Variants in EIF2S2 observed in about 807,000 individuals in gnomAD.
EIF2S2 encodes eukaryotic translation initiation factor 2 subunit 2.
A neutral mutation model predicts 44.0 loss-of-function variants in EIF2S2; 4 were observed. That is an observed-to-expected ratio of 0.09 (90% confidence interval 0.04 to 0.21). The LOEUF (loss-of-function observed/expected upper bound fraction) is 0.21, where lower values mean the gene tolerates loss of function less well. Ranked by LOEUF, EIF2S2 falls within the 10% of genes least tolerant of loss-of-function variation. The pLI, the probability that EIF2S2 is intolerant of heterozygous loss-of-function variation, is 1.00. For synonymous variants in EIF2S2, 108 were observed against 128.3 expected (o/e 0.84, Z 1.07); for missense variants, 154 against 392.0 (o/e 0.39, Z 5.13).
chr20:34,096,329 G>A (rs932092211), intron 6 of EIF2S2, among the ~76,000 whole-genome samples: 20 of 152,252 alleles, frequency 1.3e-4, no homozygotes, highest in Non-Finnish European at 2.6e-4. Flanking sequence ...GTCGGGCATG[G>A]TGGTGTGCAC....
chr20:34,103,469 C>A lies in EIF2S2; in HGVS notation c.290G>T (p.Gly97Val). The A allele has an allele frequency of 1.9e-6, 3 of 1,556,838 alleles. No individual in the cohort carries two copies. Among genetic ancestry groups the A allele is most frequent in the Non-Finnish European group, 2.6e-6 (3 of 1,147,600 alleles). The change falls in exon 3 of 9, where the codon GGT becomes GTT. Residue 97 changes from glycine (G) to valine (V), a missense_variant. By Grantham distance (109) the Gly-to-Val change is moderately radical (BLOSUM62 -3). Transcript: ENST00000374980. Reference sequence around the variant, plus strand: ...ACAAGAAAGCAATACTACCTTTACACCTTCTTCAGCTTCATCAATATCAAA... The same window carrying A: ...ACAAGAAAGCAATACTACCTTTACAACTTCTTCAGCTTCATCAATATCAAA... ...KIFDIDEAEEGVKDLKIESDV... is the reference protein window; with the variant it reads ...KIFDIDEAEEVVKDLKIESDV...
intron 1 of EIF2S2, among the ~76,000 whole-genome samples, chr20:34,106,585 C>G (rs2034352642): frequency 6.6e-6 from 1 of 152,044 alleles, no homozygotes; most frequent in African/African-American, 2.4e-5. Flanking sequence ...GAGTGCACCA[C>G]CACACCCAGC....
chr20:34,101,350 C>T (rs185487806), intron 3 of EIF2S2, among the ~76,000 whole-genome samples: 2 of 152,200 alleles, frequency 1.3e-5, no homozygotes, highest in East Asian at 1.9e-4. Flanking sequence ...AGCTGAGGGA[C>T]GCTTGAGCCC....
At chr20:34,092,719 C>G (rs977191429) in intron 7 of EIF2S2, among the ~76,000 whole-genome samples, 2 of 152,124 alleles carry the variant, frequency 1.3e-5, no homozygotes, top group Admixed American at 1.3e-4. Flanking sequence ...ACAGAGCCTA[C>G]GTATCCACCA....
intron 1 of EIF2S2, among the ~76,000 whole-genome samples, chr20:34,106,558 A>C (rs183489053): frequency 1.6e-4 from 24 of 151,572 alleles, no homozygotes; most frequent in African/African-American, 5.3e-4. Context: ...CAATTTCCTG[A>C]GTAGCTGGAA....
chr20:34,101,148 C>G (rs1350353969), intron 3 of EIF2S2, among the ~76,000 whole-genome samples: 1 of 152,114 alleles, frequency 6.6e-6, no homozygotes, highest in Admixed American at 6.6e-5. Flanking sequence ...ATGTGGCTAT[C>G]AAGACCAATC....
intron 1 of EIF2S2, among the ~76,000 whole-genome samples, chr20:34,111,564 T>C (rs2034412669): frequency 6.6e-6 from 1 of 152,168 alleles, no homozygotes; most frequent in Admixed American, 6.5e-5. Flanking sequence ...TCTTTTTCTC[T>C]CGTTCTAACC....
chr20:34,097,379 A>G, intron 5 of EIF2S2, 37 bp downstream of exon 5: 1 of 1,540,758 alleles, frequency 6.5e-7, no homozygotes. Flanking sequence ...GCACTAGTGA[A>G]TAGCTTAGCC....
chr20:34,097,651 A>G, intron 4 of EIF2S2, 135 bp from the exon 5 acceptor site: 1 of 655,804 alleles, frequency 1.5e-6, no homozygotes, highest in East Asian at 2.8e-5. Flanking sequence ...AGCCTTAAGC[A>G]TAAAGAAACC....
chr20:34,103,510 T>C lies in EIF2S2; in HGVS notation c.249A>G (p.Lys83=). 6.4e-7 allele frequency: 1 copy of C among 1,570,942 alleles called. No homozygotes were observed. The highest frequency in any genetic ancestry group is 8.7e-7 in the Non-Finnish European group (1 of 1,154,678). ...CAATATCAAATATCTTTTTAGTTTT[T>C]TTCTTCTTTTTCTTTTGATTAAAGA... ...LNFFNQKKKK[K]KTKKIFDIDE... Residue 83 remains lysine (K), a synonymous_variant, in exon 3 of 9, where the codon AAA becomes AAG. Coordinates refer to ENST00000374980, the MANE Select transcript of EIF2S2 (RefSeq NM_003908.5).
rs571039795 is a variant in EIF2S2 at position 34,103,664 on chromosome 20, AGACT to A, written c.194-103_194-100del. 6.6e-3 allele frequency: 9,186 copies of A among 1,381,568 alleles called. 42 individuals are homozygous for A. Among genetic ancestry groups the A allele is most frequent in the Non-Finnish European group, 7.4e-3 (7,866 of 1,062,520 alleles). 85.6% of individuals were successfully genotyped at this position (1,381,568 alleles called of 1,614,324 possible). On this transcript the variant is annotated intron_variant, in intron 2 of 8. Coordinates refer to ENST00000374980, the MANE Select transcript of EIF2S2 (RefSeq NM_003908.5). ...CAGCAATTAATCAAGTCACCAGAAA[AGACT>A]GACTATTAATTAGTCCCTCCACAAT...
intron 7 of EIF2S2, among the ~76,000 whole-genome samples, chr20:34,092,196 T>C (rs2034174109): frequency 6.6e-6 from 1 of 152,184 alleles, no homozygotes; most frequent in African/African-American, 2.4e-5. Context: ...TCAAAATAAA[T>C]GGAATTTTCT....
intron 7 of EIF2S2, among the ~76,000 whole-genome samples, chr20:34,092,528 C>T (rs759906738): frequency 2.0e-5 from 3 of 152,086 alleles, no homozygotes; most frequent in Non-Finnish European, 2.9e-5. Context: ...ATTAGCTGGG[C>T]GTGGTGGCGG....
At chr20:34,104,614 C>G (rs1028148727) in intron 2 of EIF2S2, among the ~76,000 whole-genome samples, 2 of 152,190 alleles carry the variant, frequency 1.3e-5, no homozygotes, top group Admixed American at 6.5e-5. Context: ...TACAAGTTAT[C>G]AGTGAAATTT....
intron 1 of EIF2S2, among the ~76,000 whole-genome samples, chr20:34,105,781 A>G (rs2034342944): frequency 6.6e-6 from 1 of 152,218 alleles, no homozygotes; most frequent in Non-Finnish European, 1.5e-5. Flanking sequence ...AGTATCACAG[A>G]TACTTCACTT....
At chr20:34,105,587 T>C in intron 1 of EIF2S2, 42 bp from the exon 2 acceptor site, 1 of 1,482,774 alleles carries the variant, frequency 6.7e-7, no homozygotes, top group Non-Finnish European at 9.0e-7. Flanking sequence ...AAATGATTGT[T>C]TTTAATGATG....
At chr20:34,092,982 A>G (rs1464504061) in intron 7 of EIF2S2, among the ~76,000 whole-genome samples, 1 of 152,222 alleles carries the variant, frequency 6.6e-6, no homozygotes, top group Non-Finnish European at 1.5e-5. Context: ...TAGGAATATT[A>G]CTTTCTACTT....
At chr20:34,110,275 A>G (rs577050823) in intron 1 of EIF2S2, among the ~76,000 whole-genome samples, 1 of 152,180 alleles carries the variant, frequency 6.6e-6, no homozygotes, top group African/African-American at 2.4e-5. Context: ...AAGTCTGTAC[A>G]GTAGCCAGAT....
chr20:34,099,735 G>A (rs1256809611), intron 3 of EIF2S2, among the ~76,000 whole-genome samples: 15 of 152,122 alleles, frequency 9.9e-5, no homozygotes, highest in Non-Finnish European at 1.5e-5. Flanking sequence ...GCCATCAAGA[G>A]TCAATAATTT....
Sources: allele counts gnomAD v4.1 joint callset (sites outside exome capture counted in the v4.1 genomes callset), GRCh38; gene constraint gnomAD v4.1.1; transcripts MANE v1.5; gene names NCBI Gene and HGNC (gene_info 2026-07-23, HGNC 2026-07-21).